HNRNPR: variants seen among roughly 807,000 people sequenced by gnomAD.
HNRNPR encodes heterogeneous nuclear ribonucleoprotein R.
A neutral mutation model predicts 70.3 loss-of-function variants in HNRNPR; 4 were observed. That is an observed-to-expected ratio of 0.06 (90% confidence interval 0.03 to 0.13). The LOEUF is 0.13. HNRNPR is among the 10% of genes least tolerant of loss of function. The pLI is 1.00. For synonymous variants in HNRNPR, 241 were observed against 267.6 expected, an observed-to-expected ratio of 0.90 and a Z score of 0.97; for missense variants, 423 against 788.5, an observed-to-expected ratio of 0.54 and a Z score of 5.55.
chr1:23,337,912 G>A (rs1646563095), intron 3 of HNRNPR, 51 bp from the exon 4 acceptor site: 8 of 1,010,938 alleles, frequency 7.9e-6, no homozygotes, highest in South Asian at 7.0e-5. Flanking sequence ...ATATCTGAAG[G>A]GTCAGATACA....
At position 23,309,459 on chromosome 1, in the gene HNRNPR, A is replaced by G. The variant is rs1485394783; in HGVS notation, c.*995T>C. 6.6e-6 allele frequency: 1 copy of G among 151,978 alleles called. No individual in the cohort carries two copies. Among genetic ancestry groups the G allele is most frequent in the Non-Finnish European group, 1.5e-5 (1 of 67,934 alleles). 9.4% of individuals were successfully genotyped at this position (151,978 alleles called of 1,614,324 possible). On this transcript the variant is annotated 3_prime_UTR_variant, in exon 11 of 11. Coordinates refer to ENST00000302271, the MANE Select transcript of HNRNPR (RefSeq NM_005826.5). The stretch of plus-strand genomic sequence containing the variant: ...AATTGCAGTCTGCTTTCCCAGCCAC[A>G]TTTTATTTGTTTTAATGCAAATTAT...
In HNRNPR at chr1:23,321,578, G is replaced by A. The variant is rs1645761246; in HGVS notation, c.761C>T (p.Pro254Leu). 1 of 1,613,154 alleles carries A rather than the reference G, an allele frequency of 6.2e-7. No homozygotes were observed. Residue 254 changes from proline (P) to leucine (L), a missense_variant, in exon 7 of 11, where the codon CCG becomes CTG. By Grantham distance (98) the Pro-to-Leu change is moderately conservative. Coordinates refer to ENST00000302271, the MANE Select transcript of HNRNPR (RefSeq NM_005826.5). ...ANNRLFVGSI[P>L]KNKTKENILE... ...AATGTTTTCTTTAGTCTTATTCTTCGGAATGGATCCAACAAAAAGTCTGTT... is the reference window on the plus strand; with the variant it reads ...AATGTTTTCTTTAGTCTTATTCTTCAGAATGGATCCAACAAAAAGTCTGTT...
In HNRNPR at chr1:23,344,263, T is replaced by A; in HGVS notation, c.-62A>T. The A allele has an allele frequency of 6.6e-6, 1 of 152,172 alleles. No individual in the cohort carries two copies. The highest frequency in any genetic ancestry group is 1.5e-5 in the Non-Finnish European group (1 of 68,098). 9.4% of individuals were successfully genotyped at this position (152,172 alleles called of 1,614,324 possible). ...GCCCGTGAGAATCAGCGCGAGGCGC[T>A]TTGAAAACGACTAGAAATGGCGCGC... is the stretch of plus-strand genomic sequence containing the variant. On this transcript the variant is annotated 5_prime_UTR_variant, in exon 1 of 11. In the 5' UTR this introduces an upstream ATG that the reference lacks. Coordinates refer to ENST00000302271, the MANE Select transcript of HNRNPR (RefSeq NM_005826.5).
At chr1:23,324,142 A>G (rs918393320) in intron 5 of HNRNPR, among the ~76,000 whole-genome samples, 1 of 151,714 alleles carries the variant, frequency 6.6e-6, no homozygotes, top group Non-Finnish European at 1.5e-5. Flanking sequence ...GCAAAACCCC[A>G]TTTCTATTAT....
intron 7 of HNRNPR, among the ~76,000 whole-genome samples, chr1:23,321,048 A>C (rs959251038): frequency 6.6e-6 from 1 of 151,206 alleles, no homozygotes; most frequent in Non-Finnish European, 1.5e-5. Flanking sequence ...TGCTAGTCCC[A>C]GCTACTCGGG....
At chr1:23,330,470 G>C (rs1646173046) in intron 5 of HNRNPR, among the ~76,000 whole-genome samples, 1 of 152,092 alleles carries the variant, frequency 6.6e-6, no homozygotes, top group South Asian at 2.1e-4. Flanking sequence ...GGGAGGCGGA[G>C]GTTGCAGTGA....
chr1:23,307,957 T>A lies in HNRNPR; in HGVS notation c.*2497A>T, dbSNP rs538816452. 6.6e-6 allele frequency: 1 copy of A among 152,024 alleles called. No homozygotes were observed. The highest frequency in any genetic ancestry group is 1.5e-5 in the Non-Finnish European group (1 of 67,884). 9.4% of individuals were successfully genotyped at this position (152,024 alleles called of 1,614,324 possible). A position where few individuals can be genotyped will look rare whatever the true frequency, so the allele number is the denominator to read the frequency against. On this transcript the variant is annotated 3_prime_UTR_variant, in exon 11 of 11. Transcript: ENST00000302271. The stretch of plus-strand genomic sequence containing the variant: ...ATCTAGAATAAAGACCTCCCTCAAC[T>A]GACATTTTTCAGGTTTATATATTAC...
rs2148285808 is a variant in HNRNPR, at chr1:23,306,414, A to G, written c.*4040T>C. 1 of 152,188 alleles carries G rather than the reference A, an allele frequency of 6.6e-6. No homozygotes were observed. Among genetic ancestry groups the G allele is most frequent in the South Asian group, 2.1e-4 (1 of 4,816 alleles). 9.4% of individuals were successfully genotyped at this position (152,188 alleles called of 1,614,324 possible). On this transcript the variant is annotated 3_prime_UTR_variant, in exon 11 of 11. Transcript: ENST00000302271. ...AAATAGGAAAAAAAAGTTCTTACCA[A>G]CAATTCCACTGGTTATCGTCCCCAG...
At position 23,304,692 on chromosome 1, in the gene HNRNPR, G is replaced by T. The variant is rs954602399; in HGVS notation, c.*5762C>A. 7 of 152,026 alleles carry T rather than the reference G, an allele frequency of 4.6e-5. No individual in the cohort carries two copies. Among genetic ancestry groups the T allele is most frequent in the Non-Finnish European group, 7.4e-5 (5 of 68,012 alleles). 9.4% of individuals were successfully genotyped at this position (152,026 alleles called of 1,614,324 possible). ...CCCAAAATCACCAACACAACATTTT[G>T]AACATGTTAAATTTTATTAAAAATA... On this transcript the variant is annotated 3_prime_UTR_variant, in exon 11 of 11. Transcript: ENST00000302271.
intron 7 of HNRNPR, among the ~76,000 whole-genome samples, chr1:23,319,298 C>G (rs1399245360): frequency 2.0e-5 from 3 of 152,144 alleles, no homozygotes; most frequent in Admixed American, 6.5e-5. Flanking sequence ...CGTTCTTACC[C>G]GATGTATCCT....
Position 23,310,734 on chromosome 1 carries a change from C to A in HNRNPR, c.1622G>T (p.Gly541Val). 5 of 1,613,876 alleles carry A rather than the reference C, an allele frequency of 3.1e-6. No individual in the cohort carries two copies. The highest frequency in any genetic ancestry group is 3.4e-6 in the Non-Finnish European group (4 of 1,179,864). ...AGGACCCCCTCTGCCACCCCTAGAG[C>A]CTCTTGGTGGTCCCAAAGGTGCCCC... ...QRGAPLGPPRGSRGGRGGPAQ... is the reference protein window; with the variant it reads ...QRGAPLGPPRVSRGGRGGPAQ... The change falls in exon 11 of 11, where the codon GGC becomes GTC. Residue 541 changes from glycine (G) to valine (V), a missense_variant. Physicochemically the swap from Gly to Val is moderately radical, Grantham distance 109. Around this residue, in one of 7 missense-constraint regions of HNRNPR, gnomAD observed 169 missense variants for 195.6 expected, o/e 0.86. Transcript: ENST00000302271. The surrounding 1 kb of genome is among the most constrained non-coding windows in gnomAD (Gnocchi z 6.0).
intron 5 of HNRNPR, among the ~76,000 whole-genome samples, chr1:23,331,894 C>T (rs1463292576): frequency 1.6e-5 from 2 of 126,728 alleles, no homozygotes; most frequent in African/African-American, 5.6e-5. Context: ...CTTTTCAGCA[C>T]ACAGTTTTCT....
Position 23,318,433 on chromosome 1 carries a change from T to C in HNRNPR, c.1017+50A>G, listed in dbSNP as rs956521843. The C allele has an allele frequency of 2.1e-6, 3 of 1,430,724 alleles. No individual in the cohort carries two copies. Among genetic ancestry groups the C allele is most frequent in the Non-Finnish European group, 2.9e-6 (3 of 1,018,632 alleles). 88.6% of individuals were successfully genotyped at this position (1,430,724 alleles called of 1,614,324 possible). A position where few individuals can be genotyped will look rare whatever the true frequency, so the allele number is the denominator to read the frequency against. On this transcript the variant is annotated intron_variant, in intron 8 of 10. Coordinates refer to ENST00000302271, the MANE Select transcript of HNRNPR (RefSeq NM_005826.5). The surrounding 1 kb of genome is among the most constrained non-coding windows in gnomAD (Gnocchi z 4.2). ...CAAAATATTTGAGCTTTATTCTGAG[T>C]ACAAAATTTAAATGATGACCCTATG...
intron 5 of HNRNPR, among the ~76,000 whole-genome samples, chr1:23,325,250 A>G (rs1009473857): frequency 6.6e-6 from 1 of 152,208 alleles, no homozygotes; most frequent in Admixed American, 6.5e-5. Context: ...CTACATCACC[A>G]TTTCACAGTC....
chr1:23,322,485 C>T (rs1645799493), intron 6 of HNRNPR, among the ~76,000 whole-genome samples: 5 of 152,328 alleles, frequency 3.3e-5, no homozygotes, highest in Admixed American at 3.3e-4. Context: ...ATCTGCCTGC[C>T]TCAGCCTCCC....
chr1:23,334,167 G>A (rs1646362163), intron 4 of HNRNPR, among the ~76,000 whole-genome samples: 1 of 151,244 alleles, frequency 6.6e-6, no homozygotes, highest in African/African-American at 2.4e-5. Context: ...GCCTGTCTTG[G>A]CCTCCCAAAG....
intron 9 of HNRNPR, among the ~76,000 whole-genome samples, chr1:23,313,073 T>C (rs1454892546): frequency 1.3e-5 from 2 of 152,168 alleles, no homozygotes; most frequent in African/African-American, 2.4e-5. Flanking sequence ...CAGTAAAACA[T>C]AGTGAATGCT....
chr1:23,338,054 G>A, intron 3 of HNRNPR, 193 bp from the exon 4 acceptor site: 1 of 489,480 alleles, frequency 2.0e-6, no homozygotes, highest in East Asian at 3.3e-5. Flanking sequence ...TAGACCTCAG[G>A]GAGCTTACCT....
At chr1:23,327,003 C>G (rs1646013729) in intron 5 of HNRNPR, among the ~76,000 whole-genome samples, 1 of 152,148 alleles carries the variant, frequency 6.6e-6, no homozygotes. Flanking sequence ...CCAGCCTTGT[C>G]AACTGGCTCC....
Sources: allele counts gnomAD v4.1 joint callset (sites outside exome capture counted in the v4.1 genomes callset), GRCh38; gene constraint gnomAD v4.1.1; regional missense constraint gnomAD v4.1.1; non-coding constraint Gnocchi (gnomAD v3.1); transcripts MANE v1.5; gene names NCBI Gene and HGNC (gene_info 2026-07-23, HGNC 2026-07-21).